Variants in RIMS3 observed in about 807,000 individuals in gnomAD.
The protein encoded by RIMS3 is regulating synaptic membrane exocytosis 3, also known as regulating synaptic membrane exocytosis protein 3.
In RIMS3, 15 loss-of-function variants were observed where a neutral mutation model predicts 29.2. The ratio of observed to expected loss-of-function variants is 0.51; its 90% CI spans 0.34 to 0.79. RIMS3 has a LOEUF of 0.79. Ranked by LOEUF, RIMS3 falls within the 30% of genes least tolerant of loss-of-function variation. The probability of loss-of-function intolerance (pLI) is 0.01; values close to 1 mark genes in which losing one functional copy is unlikely to be tolerated. For missense variants in RIMS3, 342 were observed against 421.4 expected (o/e 0.81, Z 1.65); for synonymous variants, 161 against 170.1 (o/e 0.95, Z 0.41).
intron 1 of RIMS3, among the ~76,000 whole-genome samples, chr1:40,650,964 C>T (rs923241737): frequency 1.6e-4 from 24 of 151,374 alleles, no homozygotes; most frequent in Non-Finnish European, 4.4e-5. Context: ...ATCTGGTGGC[C>T]CCAAACTTGT....
At chr1:40,626,992 CTG>C (rs1473829904) in intron 7 of RIMS3, among the ~76,000 whole-genome samples, 10 of 152,206 alleles carry the variant, frequency 6.6e-5, no homozygotes, top group Admixed American at 6.5e-4. Context: ...ATGAAGGAAA[CTG>C]TAGCTCAGAA....
At chr1:40,674,714 G>A in the RIMS3 span, among the ~76,000 whole-genome samples, 2 of 151,978 alleles carry the variant, frequency 1.3e-5, no homozygotes, top group Non-Finnish European at 2.9e-5. Flanking sequence ...CCTTCTCTCT[G>A]TCCCTCTCAT....
chr1:40,627,032 C>G (rs1411646691), intron 7 of RIMS3, among the ~76,000 whole-genome samples: 3 of 152,158 alleles, frequency 2.0e-5, no homozygotes, highest in Admixed American at 6.5e-5. Context: ...TAAAGTTGCA[C>G]AGTAACTTGT....
chr1:40,644,636 C>T (rs541073562), intron 2 of RIMS3, among the ~76,000 whole-genome samples: 1 of 152,324 alleles, frequency 6.6e-6, no homozygotes, highest in South Asian at 2.1e-4. Flanking sequence ...CTGTTTTTAA[C>T]AGAGCTGGGA....
chr1:40,642,486 C>A (rs1646565144), intron 2 of RIMS3, among the ~76,000 whole-genome samples: 1 of 152,074 alleles, frequency 6.6e-6, no homozygotes, highest in Non-Finnish European at 1.5e-5. Flanking sequence ...CTGGTGGGGT[C>A]CTTCTATGTG....
rs1212129714 is a variant in RIMS3 at position 40,654,826 on chromosome 1, A to G, written c.-206-6984T>C. ...TTACCTAGCTACATTTGCCAGGGAC[A>G]TACACACACACTTAAACTCTCTCAT... On this transcript the variant is annotated intron_variant, in intron 1 of 7. Coordinates refer to ENST00000372684, the MANE Select transcript of RIMS3 (RefSeq NM_014747.3). This position sits in a 1 kb window ranked among gnomAD's most constrained non-coding sequence, Gnocchi z 5.3. Among the ~76,000 whole-genome samples the G allele has an allele frequency of 2.0e-5, 3 of 152,060 alleles. No homozygotes were observed. The highest frequency in any genetic ancestry group is 7.2e-5 in the African/African-American group (3 of 41,406).
At chr1:40,680,898 G>A in the RIMS3 span, among the ~76,000 whole-genome samples, 1 of 152,074 alleles carries the variant, frequency 6.6e-6, no homozygotes. Flanking sequence ...CATAACTCTT[G>A]ATTGTAAGCA....
At chr1:40,651,133 T>C (rs979793916) in intron 1 of RIMS3, among the ~76,000 whole-genome samples, 3 of 152,210 alleles carry the variant, frequency 2.0e-5, no homozygotes, top group African/African-American at 4.8e-5. Flanking sequence ...CCAAAAACTG[T>C]TGAGGTTCTA....
At chr1:40,675,662 G>A in the RIMS3 span, among the ~76,000 whole-genome samples, 1 of 151,350 alleles carries the variant, frequency 6.6e-6, no homozygotes, top group Non-Finnish European at 1.5e-5. Context: ...GGAGGCTGAG[G>A]CAGGAGAATC....
intron 5 of RIMS3, among the ~76,000 whole-genome samples, chr1:40,632,744 A>G (rs901292449): frequency 2.0e-5 from 3 of 152,048 alleles, no homozygotes; most frequent in African/African-American, 7.2e-5. Flanking sequence ...GAAAATTACT[A>G]AAGGGCCTCT....
intron 1 of RIMS3, among the ~76,000 whole-genome samples, chr1:40,655,740 C>T (rs1032261306): frequency 9.2e-5 from 14 of 152,248 alleles, no homozygotes; most frequent in African/African-American, 3.4e-4. Context: ...CACGGTGGCT[C>T]ACGCCTGTAA....
At chr1:40,682,966 C>T in the RIMS3 span, among the ~76,000 whole-genome samples, 1 of 151,924 alleles carries the variant, frequency 6.6e-6, no homozygotes, top group African/African-American at 2.4e-5. Flanking sequence ...GTCTTGAACT[C>T]CTGACCTCAT....
intron 2 of RIMS3, among the ~76,000 whole-genome samples, chr1:40,647,085 T>G (rs1027447512): frequency 5.9e-5 from 9 of 152,152 alleles, no homozygotes; most frequent in African/African-American, 1.9e-4. Flanking sequence ...TTTGCCATAT[T>G]GGCCAGGCTG....
chr1:40,642,967 AAAAT>A (rs1315665522), intron 2 of RIMS3, among the ~76,000 whole-genome samples: 12 of 150,550 alleles, frequency 8.0e-5, no homozygotes, highest in African/African-American at 2.9e-4. Flanking sequence ...AAAAAAAAAA[AAAAT>A]ATTATATCAT....
At chr1:40,666,025 GC>G (rs1642421586), upstream of RIMS3, among the ~76,000 whole-genome samples, 1 of 152,178 alleles carries the variant, frequency 6.6e-6, no homozygotes, top group African/African-American at 2.4e-5. Flanking sequence ...GCCCTGCCCT[GC>G]CCTGAAGCAG....
chr1:40,677,421 G>A, the RIMS3 span, among the ~76,000 whole-genome samples: 2 of 151,708 alleles, frequency 1.3e-5, no homozygotes, highest in Non-Finnish European at 1.5e-5. Context: ...ACACTTGGCC[G>A]GGTGCGGTGG....
At chr1:40,641,424 G>C (rs768379813) in intron 3 of RIMS3, among the ~76,000 whole-genome samples, 138 of 152,346 alleles carry the variant, frequency 9.1e-4, no homozygotes, top group Non-Finnish European at 1.7e-3. Flanking sequence ...CAGCTAGGAA[G>C]CCCAACTGCT....
chr1:40,647,497 T>A (rs1020534135), intron 2 of RIMS3, among the ~76,000 whole-genome samples, 171 bp downstream of exon 2: 7 of 152,196 alleles, frequency 4.6e-5, no homozygotes, highest in Non-Finnish European at 7.3e-5. Flanking sequence ...GAGCCTTTTA[T>A]TTTGCAGAAC....
the RIMS3 span, among the ~76,000 whole-genome samples, chr1:40,675,627 AC>A: frequency 6.6e-6 from 1 of 151,672 alleles, no homozygotes; most frequent in Non-Finnish European, 1.5e-5. Context: ...TCGTGGTGGT[AC>A]ACACCTGTAA....
Sources: allele counts gnomAD v4.1 joint callset (sites outside exome capture counted in the v4.1 genomes callset), GRCh38; gene constraint gnomAD v4.1.1; non-coding constraint Gnocchi (gnomAD v3.1); transcripts MANE v1.5; gene names NCBI Gene and HGNC (gene_info 2026-07-23, HGNC 2026-07-21).